Variants in CNTNAP3 observed in about 807,000 individuals in gnomAD.
CNTNAP3 encodes the protein contactin-associated protein-like 3.
CNTNAP3 carries 36 observed loss-of-function variants against 92.1 expected under a neutral mutation model. The observed-to-expected ratio is 0.39, with a 90% CI of 0.30 to 0.52. The LOEUF is 0.52. Among genes scored for constraint, CNTNAP3 ranks in the 20% least tolerant of loss-of-function variants. The probability of loss-of-function intolerance (pLI) is 0.76; values close to 1 mark genes in which losing one functional copy is unlikely to be tolerated. For missense variants in CNTNAP3, 534 were observed against 1,069.6 expected (o/e 0.50, Z 6.98); for synonymous variants, 232 against 422.3 (o/e 0.55, Z 5.53).
At chr9:39,086,452 T>A (rs1587699231) in intron 20 of CNTNAP3, 2 of 297,950 alleles carry the variant, frequency 6.7e-6, no homozygotes, top group African/African-American at 2.4e-5. Context: ...GTAAAACAAA[T>A]AGATATTTTG....
intron 10 of CNTNAP3, among the ~76,000 whole-genome samples, chr9:39,148,683 G>T (rs943641288): frequency 1.3e-5 from 2 of 152,054 alleles, no homozygotes; most frequent in Admixed American, 6.6e-5. Flanking sequence ...CCGCCACCAT[G>T]CCTGGCTAAT....
chr9:39,089,291 A>G (rs1826137247), intron 18 of CNTNAP3, among the ~76,000 whole-genome samples: 3 of 152,150 alleles, frequency 2.0e-5, no homozygotes, highest in African/African-American at 7.2e-5. Flanking sequence ...ATTTCATATC[A>G]GTGGAATCAT....
rs1411257564 is a variant in CNTNAP3 at position 39,070,795 on chromosome 9, A to G, written c.*3095T>C. Among the ~76,000 whole-genome samples, 56 of 151,444 alleles carry G rather than the reference A, an allele frequency of 3.7e-4. No individual in the cohort carries two copies. The highest frequency in any genetic ancestry group is 3.5e-3 in the Middle Eastern group (1 of 284). ...CATTTCATGTACTCCATAAATATAT[A>G]CACCTAGTATGTACACAAAAATTAA... On this transcript the variant is annotated 3_prime_UTR_variant, in exon 24 of 24. Coordinates refer to ENST00000297668, the MANE Select transcript of CNTNAP3 (RefSeq NM_033655.5).
At chr9:39,091,171 CTT>C (rs201329360) in intron 18 of CNTNAP3, among the ~76,000 whole-genome samples, 3 of 128,520 alleles carry the variant, frequency 2.3e-5, no homozygotes, top group Admixed American at 8.0e-5. Flanking sequence ...TTTTCTTCTT[CTT>C]TTTTTTTTTT....
Position 39,066,033 on chromosome 9 carries a change from C to T in CNTNAP3, c.*7857G>A, listed in dbSNP as rs1282223239. 1.3e-5 allele frequency among the ~76,000 whole-genome samples: 2 copies of T among 152,066 alleles called. No individual in the cohort carries two copies. Among genetic ancestry groups the T allele is most frequent in the Non-Finnish European group, 2.9e-5 (2 of 67,980 alleles). On this transcript the variant is annotated 3_prime_UTR_variant, in exon 24 of 24. Coordinates refer to ENST00000297668, the MANE Select transcript of CNTNAP3 (RefSeq NM_033655.5). ...CTATTTGTCCCATTTGTTCTTTGTC[C>T]TCTTTCTCATCTTTTTTGTCTACTT...
At chr9:39,081,419 C>T (rs1825930484) in intron 21 of CNTNAP3, among the ~76,000 whole-genome samples, 1 of 151,226 alleles carries the variant, frequency 6.6e-6, no homozygotes, top group African/African-American at 2.4e-5. Context: ...CTTCGGGGTC[C>T]TGCACCCAGC....
chr9:39,132,989 G>C lies in CNTNAP3; in HGVS notation c.2023C>G (p.Arg675Gly), dbSNP rs771689905. Residue 675 changes from arginine to glycine, a missense_variant, in exon 13 of 24, where the codon CGC becomes GGC. By Grantham distance (125) the Arg-to-Gly change is moderately radical. Transcript: ENST00000297668. ...CGCAGAGCCAGCCGCTGCTCGCAGC[G>C]CTCCGCCAGGTTCACCGCGGACCGC... ...QLRSAVNLAE[R>G]CEQRLALRCG... 1.3e-6 allele frequency: 2 copies of C among 1,540,484 alleles called. No homozygotes were observed. The highest frequency in any genetic ancestry group is 2.4e-5 in the South Asian group (2 of 84,620).
At chr9:39,099,874 G>A (rs1286262973) in intron 18 of CNTNAP3, 37 bp downstream of exon 18, 2 of 1,601,018 alleles carry the variant, frequency 1.2e-6, no homozygotes, top group Non-Finnish European at 8.5e-7. Context: ...TAAGTTTCAT[G>A]TACTTTCCCT....
At chr9:39,080,200 T>C (rs979099867) in intron 21 of CNTNAP3, among the ~76,000 whole-genome samples, 6 of 141,380 alleles carry the variant, frequency 4.2e-5, no homozygotes, top group Admixed American at 2.1e-4. Context: ...TGGTCTTTCA[T>C]CGTCCAGCTT....
rs1490937678 is a variant in CNTNAP3 at position 39,285,459 on chromosome 9, C to T, written c.85+2521G>A. Among the ~76,000 whole-genome samples the T allele has an allele frequency of 4.1e-5, 2 of 49,168 alleles. 1 individual carries two copies. Among genetic ancestry groups the T allele is most frequent in the Non-Finnish European group, 1.2e-4 (2 of 16,836 alleles). The allele number at this position is 49,168 out of a possible 152,430, so 32.3% of individuals were successfully genotyped here. A position where few individuals can be genotyped will look rare whatever the true frequency, so the allele number is the denominator to read the frequency against. ...TAACAAAGCTTTCCCATGTATTTGT[C>T]GGGTCAAATAACATTCAGATAAACT... is the stretch of plus-strand genomic sequence containing the variant. On this transcript the variant is annotated intron_variant, in intron 1 of 23. Coordinates refer to ENST00000297668, the MANE Select transcript of CNTNAP3 (RefSeq NM_033655.5).
At chr9:39,131,344 G>A (rs1315889311) in intron 13 of CNTNAP3, among the ~76,000 whole-genome samples, 1 of 152,208 alleles carries the variant, frequency 6.6e-6, no homozygotes. Flanking sequence ...GAAAGATTAA[G>A]GAATGGCCTA....
chr9:39,130,371 A>T (rs1220416513), intron 13 of CNTNAP3, among the ~76,000 whole-genome samples: 1 of 152,152 alleles, frequency 6.6e-6, no homozygotes, highest in Non-Finnish European at 1.5e-5. Flanking sequence ...ACACAGAGTG[A>T]AAAAAACTCA....
chr9:39,097,694 C>A (rs1623898), intron 18 of CNTNAP3, among the ~76,000 whole-genome samples: 1 of 136,750 alleles, frequency 7.3e-6, no homozygotes, highest in East Asian at 2.4e-4. Context: ...GAGGAAACCT[C>A]TGGCTTCTTG....
At chr9:39,137,050 T>C (rs928308925) in intron 12 of CNTNAP3, among the ~76,000 whole-genome samples, 1 of 151,668 alleles carries the variant, frequency 6.6e-6, no homozygotes, top group African/African-American at 2.4e-5. Flanking sequence ...GAATTCTCAG[T>C]CATTATTTCT....
intron 9 of CNTNAP3, chr9:39,154,351 TC>T (rs1290693906): frequency 2.2e-6 from 1 of 464,288 alleles, no homozygotes; most frequent in African/African-American, 2.0e-5. Context: ...ACGTTCTGAT[TC>T]CCTTAGCTGA....
At chr9:39,101,979 T>C (rs1407261431) in intron 17 of CNTNAP3, among the ~76,000 whole-genome samples, 1 of 152,168 alleles carries the variant, frequency 6.6e-6, no homozygotes, top group Non-Finnish European at 1.5e-5. Flanking sequence ...TAAACATTGA[T>C]ACCTAAACAC....
chr9:39,147,542 T>C (rs1048412810), intron 10 of CNTNAP3, among the ~76,000 whole-genome samples: 4 of 152,192 alleles, frequency 2.6e-5, no homozygotes, highest in Admixed American at 6.5e-5. Context: ...ATAGCCTTTA[T>C]TTGTAGCCCT....
Position 39,085,743 on chromosome 9 carries a change from C to T in CNTNAP3, c.3435G>A (p.Lys1145=). ...GCTCTTTCTCCTACTTACCTAAAAC[C>T]TTTCCCAATATGAGAGATTTGACGG... ...FNAVKSLILG[K]VLEAAGADPD... is the part of the protein sequence containing the mutation. The change falls in exon 21 of 24, where the codon AAG becomes AAA. Residue 1145 remains lysine, a synonymous_variant. Coordinates refer to ENST00000297668, the MANE Select transcript of CNTNAP3 (RefSeq NM_033655.5). The T allele has an allele frequency of 6.5e-7, 1 of 1,548,462 alleles. No individual in the cohort carries two copies. Among genetic ancestry groups the T allele is most frequent in the Non-Finnish European group, 8.8e-7 (1 of 1,138,082 alleles).
intron 9 of CNTNAP3, among the ~76,000 whole-genome samples, chr9:39,152,092 T>TA (rs1163942035): frequency 7.3e-6 from 1 of 137,898 alleles, no homozygotes; most frequent in East Asian, 2.1e-4. Context: ...CTTATACTGT[T>TA]AATCACTAGC....
Sources: allele counts gnomAD v4.1 joint callset (sites outside exome capture counted in the v4.1 genomes callset), GRCh38; gene constraint gnomAD v4.1.1; transcripts MANE v1.5; gene names NCBI Gene and HGNC (gene_info 2026-07-23, HGNC 2026-07-21).